DOK6: variants seen among roughly 807,000 people sequenced by gnomAD.
The protein encoded by DOK6 is docking protein 6.
Under a neutral mutation model 44.0 loss-of-function variants are expected in DOK6, and 22 were observed. The ratio of observed to expected loss-of-function variants is 0.50; its 90% confidence interval spans 0.36 to 0.71. DOK6 has a LOEUF of 0.71. DOK6 is among the 30% of genes least tolerant of loss of function. The pLI is 0.00. For missense variants in DOK6, 340 were observed against 416.4 expected (o/e 0.82, Z 1.60); for synonymous variants, 166 against 145.5 (o/e 1.14, Z -1.01).
chr18:69,489,022 A>G (rs748762383), intron 1 of DOK6, among the ~76,000 whole-genome samples: 2 of 152,308 alleles, frequency 1.3e-5, no homozygotes, highest in Admixed American at 1.3e-4. Context: ...CTTAAGTTTT[A>G]TACACATAGA....
intron 3 of DOK6, chr18:69,661,088 C>A (rs1239956997): frequency 6.6e-6 from 1 of 152,106 alleles, no homozygotes; most frequent in Admixed American, 6.5e-5. Context: ...TGTTTTTGTT[C>A]ATTCAGGCTG....
rs145736835 is a variant in DOK6 at position 69,685,225 on chromosome 18, C to CT, written c.409+7372_409+7373insT. 4.3e-3 allele frequency among the ~76,000 whole-genome samples: 652 copies of CT among 151,822 alleles called. 1 individual carries two copies. Among genetic ancestry groups the CT allele is most frequent in the African/African-American group, 0.014 (569 of 41,468 alleles). On this transcript the variant is annotated intron_variant, in intron 4 of 7. Transcript: ENST00000382713. ...TTGGTATACGTAAGTTTCGATTATC[C>CT]ATTTTTTTTTCCTGCTGTACTAAAA...
chr18:69,407,370 G>T (rs150316380), intron 1 of DOK6, among the ~76,000 whole-genome samples: 59 of 152,260 alleles, frequency 3.9e-4, no homozygotes, highest in Middle Eastern at 3.4e-3. Context: ...TTTTGAGGAA[G>T]ACATAATTTC....
intron 7 of DOK6, among the ~76,000 whole-genome samples, chr18:69,765,040 G>C (rs1358935792): frequency 1.8e-4 from 27 of 152,184 alleles, no homozygotes; most frequent in African/African-American, 2.4e-5. Context: ...ATTAGAATTA[G>C]AGATAACCTT....
intron 1 of DOK6, among the ~76,000 whole-genome samples, chr18:69,495,344 T>C (rs1301601233): frequency 1.3e-5 from 2 of 152,222 alleles, no homozygotes; most frequent in Non-Finnish European, 2.9e-5. Context: ...AGCCCTGCCG[T>C]TCCACATTTC....
intron 3 of DOK6, among the ~76,000 whole-genome samples, chr18:69,645,324 A>G (rs1167939708): frequency 6.6e-6 from 1 of 152,136 alleles, no homozygotes; most frequent in African/African-American, 2.4e-5. Context: ...CCATCTCTCT[A>G]ATTTCATTAT....
chr18:69,808,038 T>G (rs935384232), intron 7 of DOK6, among the ~76,000 whole-genome samples: 2 of 151,822 alleles, frequency 1.3e-5, no homozygotes, highest in African/African-American at 4.8e-5. Flanking sequence ...AGATCACATG[T>G]TAGGCCACAA....
At chr18:69,678,129 G>A (rs548168349) in intron 4 of DOK6, among the ~76,000 whole-genome samples, 7 of 152,166 alleles carry the variant, frequency 4.6e-5, no homozygotes, top group African/African-American at 1.4e-4. Flanking sequence ...CGCACCTGTA[G>A]TCCCAGCTTC....
At chr18:69,640,532 CT>C (rs1187356528) in intron 3 of DOK6, among the ~76,000 whole-genome samples, 2 of 152,238 alleles carry the variant, frequency 1.3e-5, no homozygotes, top group East Asian at 3.9e-4. Context: ...AAGTGAAAAA[CT>C]ACCCTGCTTG....
At chr18:69,637,009 G>A (rs1246710491) in intron 3 of DOK6, among the ~76,000 whole-genome samples, 1 of 152,156 alleles carries the variant, frequency 6.6e-6, no homozygotes, top group African/African-American at 2.4e-5. Flanking sequence ...CTTTGTTTTA[G>A]TTCTGAATGG....
At chr18:69,561,308 C>A in intron 1 of DOK6, among the ~76,000 whole-genome samples, 1 of 151,234 alleles carries the variant, frequency 6.6e-6, no homozygotes, top group East Asian at 1.9e-4. Context: ...TCCACTATAT[C>A]AAACTGTCTC....
At chr18:69,808,730 C>T (rs1390792380) in intron 7 of DOK6, among the ~76,000 whole-genome samples, 1 of 151,764 alleles carries the variant, frequency 6.6e-6, no homozygotes, top group Non-Finnish European at 1.5e-5. Flanking sequence ...TCTATCCAGA[C>T]TGAATCATGA....
chr18:69,628,726 T>G (rs1036442323), intron 3 of DOK6, among the ~76,000 whole-genome samples: 2 of 152,210 alleles, frequency 1.3e-5, no homozygotes, highest in Non-Finnish European at 2.9e-5. Context: ...TCTCTGAGCG[T>G]ATCTCTAAAC....
intron 1 of DOK6, among the ~76,000 whole-genome samples, chr18:69,419,067 A>G (rs1978414110): frequency 6.6e-6 from 1 of 152,108 alleles, no homozygotes; most frequent in African/African-American, 2.4e-5. Context: ...AATTACTAGG[A>G]CCCAAGTGGT....
At chr18:69,641,558 C>G (rs1421542457) in intron 3 of DOK6, among the ~76,000 whole-genome samples, 1 of 152,128 alleles carries the variant, frequency 6.6e-6, no homozygotes, top group African/African-American at 2.4e-5. Context: ...ATAATTTAAG[C>G]TTGTTTTCAT....
intron 3 of DOK6, among the ~76,000 whole-genome samples, chr18:69,653,607 GGGCTATA>G (rs1985287670): frequency 6.6e-6 from 1 of 152,156 alleles, no homozygotes; most frequent in Non-Finnish European, 1.5e-5. Context: ...GGATTCTGAA[GGGCTATA>G]CCCCAGAAAT....
At chr18:69,469,301 C>T (rs761595377) in intron 1 of DOK6, among the ~76,000 whole-genome samples, 3 of 152,080 alleles carry the variant, frequency 2.0e-5, no homozygotes, top group Non-Finnish European at 2.9e-5. Flanking sequence ...TAGATTTATA[C>T]AAGTTTAAAT....
At chr18:69,657,357 C>A (rs1985395659) in intron 3 of DOK6, among the ~76,000 whole-genome samples, 1 of 152,174 alleles carries the variant, frequency 6.6e-6, no homozygotes, top group African/African-American at 2.4e-5. Context: ...CATGGCTCTG[C>A]CTTAGCTTTT....
chr18:69,710,049 T>C (rs1377826673), intron 5 of DOK6, among the ~76,000 whole-genome samples: 1 of 152,110 alleles, frequency 6.6e-6, no homozygotes, highest in Non-Finnish European at 1.5e-5. Context: ...TGTGGTGGTG[T>C]GCACCTTTAG....
Sources: gnomAD v4.1 joint callset for allele counts (sites outside exome capture counted in the v4.1 genomes callset) on GRCh38, gnomAD v4.1.1 for gene constraint, MANE v1.5 for transcripts, NCBI Gene and HGNC (gene_info 2026-07-23, HGNC 2026-07-21) for gene names.